Variants in GLP2R observed in about 807,000 individuals in gnomAD.
GLP2R encodes glucagon like peptide 2 receptor.
A neutral mutation model predicts 68.2 loss-of-function variants in GLP2R; 59 were observed. The observed-to-expected ratio is 0.87, with a 90% CI of 0.70 to 1.07. The LOEUF is 1.07. Among genes scored for constraint, GLP2R ranks in the 50% least tolerant of loss-of-function variants. The pLI, the probability that GLP2R is intolerant of heterozygous loss-of-function variation, is 0.00. For missense variants in GLP2R, 548 were observed against 677.4 expected, an observed-to-expected ratio of 0.81 and a Z score of 2.12; for synonymous variants, 270 against 265.4, an observed-to-expected ratio of 1.02 and a Z score of -0.17.
At chr17:9,826,323 G>C in intron 1 of GLP2R, 71 bp downstream of exon 1, 1 of 1,106,016 alleles carries the variant, frequency 9.0e-7, no homozygotes, top group Non-Finnish European at 1.2e-6. Flanking sequence ...AGCAATTTAG[G>C]CCTCATGTAA....
intron 4 of GLP2R, among the ~76,000 whole-genome samples, chr17:9,847,455 A>G (rs2066850792): frequency 6.6e-6 from 1 of 151,954 alleles, no homozygotes; most frequent in South Asian, 2.1e-4. Flanking sequence ...TTTTTAGTGG[A>G]GACGGGGTTT....
In GLP2R at chr17:9,826,267, T is replaced by C. The variant is rs201677489; in HGVS notation, c.189+15T>C. 6 of 1,460,048 alleles carry C rather than the reference T, an allele frequency of 4.1e-6. No homozygotes were observed. The African/African-American group carries it at 7.2e-5, about 17-fold the overall frequency. 90.4% of individuals were successfully genotyped at this position (1,460,048 alleles called of 1,614,324 possible). Reference sequence around the variant, plus strand: ...CCATCAAGCAAGTAAGAGCAGTTCATTATTATTATTATTATCAGTTGTATT... The same window carrying C: ...CCATCAAGCAAGTAAGAGCAGTTCACTATTATTATTATTATCAGTTGTATT... On this transcript the variant is annotated intron_variant, in intron 1 of 12. Transcript: ENST00000262441.
chr17:9,847,408 T>A lies in GLP2R; in HGVS notation c.504+4792T>A, dbSNP rs142990339. Reference sequence around the variant, plus strand: ...CCTCAGCCTCCAGAGTAGCTGGGACTACAGGGGCACGCTGCCACACCCGGC... The same window carrying A: ...CCTCAGCCTCCAGAGTAGCTGGGACAACAGGGGCACGCTGCCACACCCGGC... On this transcript the variant is annotated intron_variant, in intron 4 of 12. Coordinates refer to ENST00000262441, the MANE Select transcript of GLP2R (RefSeq NM_004246.3). Among the ~76,000 whole-genome samples the A allele has an allele frequency of 1.6e-3, 245 of 152,234 alleles. 5 individuals carry two copies. The highest frequency in any genetic ancestry group is 0.012 in the Admixed American group (184 of 15,294).
rs777717769 is a variant in GLP2R, at chr17:9,889,400, C to T, written c.1357C>T (p.Arg453Cys). ...GGCTGAGCTGCGGAAATACTGGGTC[C>T]GCTTCTTGCTAGCCCGCCACTCAGG... is the stretch of plus-strand genomic sequence containing the variant. ...VKAELRKYWV[R>C]FLLARHSGCR... Residue 453 changes from arginine to cysteine, a missense_variant, in exon 13 of 13, where the codon CGC becomes TGC. Arg to Cys is a radical substitution (Grantham distance 180, BLOSUM62 -3). Transcript: ENST00000262441. 25 of 1,613,808 alleles carry T rather than the reference C, an allele frequency of 1.5e-5. No individual in the cohort carries two copies. Among genetic ancestry groups the T allele is most frequent in the Middle Eastern group, 1.7e-4 (1 of 6,060 alleles).
Position 9,890,278 on chromosome 17 carries a change from C to T in GLP2R, c.*573C>T, listed in dbSNP as rs1264490286. On this transcript the variant is annotated 3_prime_UTR_variant, in exon 13 of 13. Coordinates refer to ENST00000262441, the MANE Select transcript of GLP2R (RefSeq NM_004246.3). ...GGTGAGAGGGAGCTAGAAGCGCCCC[C>T]ATGTGGCCATGGCAGGATGCTGCAA... The T allele has an allele frequency of 3.0e-6, 1 of 338,752 alleles. No individual in the cohort carries two copies. The highest frequency in any genetic ancestry group is 2.2e-5 in the African/African-American group (1 of 46,068). The allele number at this position is 338,752 out of a possible 1,614,324, so 21.0% of individuals were successfully genotyped here.
chr17:9,871,227 G>A (rs958243024), intron 10 of GLP2R, among the ~76,000 whole-genome samples: 8 of 152,152 alleles, frequency 5.3e-5, no homozygotes, highest in African/African-American at 1.7e-4. Flanking sequence ...AGTTAGCCAG[G>A]CGTGGTGCAT....
Position 9,833,955 on chromosome 17 carries a change from CA to C in GLP2R, c.277+65del, listed in dbSNP as rs376737066. On this transcript the variant is annotated intron_variant, in intron 2 of 12. Coordinates refer to ENST00000262441, the MANE Select transcript of GLP2R (RefSeq NM_004246.3). ...CAAATTGCCCCAAAGCTTAGCGGCTCAAAACAATAACTAGTCACTTATTACT... is the reference window on the plus strand; with the variant it reads ...CAAATTGCCCCAAAGCTTAGCGGCTCAAACAATAACTAGTCACTTATTACT... 28 of 1,028,122 alleles carry C rather than the reference CA, an allele frequency of 2.7e-5. No homozygotes were observed. The African/African-American group carries it at 3.6e-4, about 13-fold the overall frequency. The allele number at this position is 1,028,122 out of a possible 1,614,324, so 63.7% of individuals were successfully genotyped here. A position where few individuals can be genotyped will look rare whatever the true frequency, so the allele number is the denominator to read the frequency against.
intron 9 of GLP2R, 145 bp downstream of exon 9, chr17:9,862,235 G>A (rs1186390509): frequency 5.9e-6 from 4 of 673,284 alleles, no homozygotes; most frequent in African/African-American, 5.4e-5. Flanking sequence ...TGAATGAGAA[G>A]TTAGAAGTTT....
chr17:9,886,885 G>A (rs547259243), intron 11 of GLP2R, among the ~76,000 whole-genome samples: 1 of 152,302 alleles, frequency 6.6e-6, no homozygotes, highest in South Asian at 2.1e-4. Flanking sequence ...TTCCTTGTGA[G>A]TTCTGGCATT....
chr17:9,889,440 T>C lies in GLP2R; in HGVS notation c.1397T>C (p.Val466Ala), dbSNP rs2067270911. 1.2e-6 allele frequency: 2 copies of C among 1,614,054 alleles called. No individual in the cohort carries two copies. The highest frequency in any genetic ancestry group is 1.7e-6 in the Non-Finnish European group (2 of 1,179,988). Residue 466 changes from valine (V) to alanine (A), a missense_variant, in exon 13 of 13, where the codon GTC (valine) becomes GCC (alanine). Physicochemically the swap from Val to Ala is moderately conservative, Grantham distance 64. Transcript: ENST00000262441. ...CGCCACTCAGGCTGCAGAGCCTGTG[T>C]CCTGGGGAAGGACTTCCGGTTCCTA... ...LARHSGCRAC[V>A]LGKDFRFLGK...
chr17:9,880,073 T>G (rs9895329), intron 10 of GLP2R, among the ~76,000 whole-genome samples: 7,108 of 152,296 alleles, frequency 0.047, 588 homozygotes, highest in African/African-American at 0.16. Flanking sequence ...GTCACTTGCA[T>G]GGAAATCTAT....
At chr17:9,860,242 G>T in intron 7 of GLP2R, 141 bp downstream of exon 7, 1 of 759,278 alleles carries the variant, frequency 1.3e-6, no homozygotes, top group Non-Finnish European at 2.1e-6. Flanking sequence ...GAGCTTTGAA[G>T]AGGGGTATGT....
chr17:9,840,008 G>GTCTTGC (rs1281972376), intron 3 of GLP2R, among the ~76,000 whole-genome samples: 1 of 143,304 alleles, frequency 7.0e-6, no homozygotes, highest in Non-Finnish European at 1.5e-5. Flanking sequence ...TGGAGACAGA[G>GTCTTGC]TCTTGCTCTG....
At chr17:9,840,857 A>T (rs2066779784) in intron 3 of GLP2R, among the ~76,000 whole-genome samples, 1 of 152,164 alleles carries the variant, frequency 6.6e-6, no homozygotes, top group African/African-American at 2.4e-5. Context: ...TGTTCCATGA[A>T]GAGAAGTAGG....
intron 1 of GLP2R, among the ~76,000 whole-genome samples, chr17:9,830,829 A>C (rs961750314): frequency 7.9e-5 from 12 of 152,250 alleles, no homozygotes; most frequent in African/African-American, 2.9e-4. Flanking sequence ...TTACAAAGCA[A>C]GTATAGCACA....
At chr17:9,826,407 T>A (rs1421413951) in intron 1 of GLP2R, among the ~76,000 whole-genome samples, 155 bp downstream of exon 1, 1 of 152,204 alleles carries the variant, frequency 6.6e-6, no homozygotes, top group African/African-American at 2.4e-5. Context: ...AGGTAATCAC[T>A]GTTCATATTT....
At chr17:9,852,834 T>G (rs2066904011) in intron 4 of GLP2R, 1 of 331,528 alleles carries the variant, frequency 3.0e-6, no homozygotes. Context: ...CATCATCTTC[T>G]CCATCAGCAG....
chr17:9,887,372 C>CA (rs1317548221), intron 11 of GLP2R, among the ~76,000 whole-genome samples: 9 of 152,050 alleles, frequency 5.9e-5, no homozygotes, highest in African/African-American at 2.2e-4. Flanking sequence ...ACTAAAAATA[C>CA]AAAAAATTAG....
At chr17:9,855,878 T>C (rs2066930256) in intron 5 of GLP2R, among the ~76,000 whole-genome samples, 1 of 152,172 alleles carries the variant, frequency 6.6e-6, no homozygotes, top group Non-Finnish European at 1.5e-5. Context: ...AAATCATGCT[T>C]TTAGAAATCA....
Sources: gnomAD v4.1 joint callset for allele counts (sites outside exome capture counted in the v4.1 genomes callset) on GRCh38, gnomAD v4.1.1 for gene constraint, MANE v1.5 for transcripts, NCBI Gene and HGNC (gene_info 2026-07-23, HGNC 2026-07-21) for gene names.